ITPRIPL2: variants seen among roughly 807,000 people sequenced by gnomAD.
ITPRIPL2 encodes ITPRIP like 2, also known as inositol 1,4,5-trisphosphate receptor-interacting protein-like 2.
A neutral mutation model predicts 31.7 loss-of-function variants in ITPRIPL2; 29 were observed. That is an observed-to-expected ratio of 0.91 (90% CI 0.68 to 1.25). The LOEUF is 1.25. Ranked by LOEUF, ITPRIPL2 falls within the 50% of genes most tolerant of loss-of-function variation. The pLI is 0.00. For missense variants in ITPRIPL2, 696 were observed against 739.1 expected (o/e 0.94, Z 0.68); for synonymous variants, 344 against 343.4 (o/e 1.00, Z -0.02).
At position 19,120,034 on chromosome 16, in the gene ITPRIPL2, G is replaced by A. The variant is rs55809104; in HGVS notation, c.*3965G>A. The A allele has an allele frequency of 6.0e-6, 1 of 166,942 alleles. No individual in the cohort carries two copies. The highest frequency in any genetic ancestry group is 1.5e-5 in the Non-Finnish European group (1 of 68,116). The allele number at this position is 166,942 out of a possible 1,614,324, so 10.3% of individuals were successfully genotyped here. A position where few individuals can be genotyped will look rare whatever the true frequency, so the allele number is the denominator to read the frequency against. On this transcript the variant is annotated 3_prime_UTR_variant, in exon 1 of 1. Coordinates refer to ENST00000381440, the MANE Select transcript of ITPRIPL2 (RefSeq NM_001034841.4). ...AGGGATGATTGGTGGCTAGATTTGGGGTGCAAGCTTCTTAGGCTCATACCA... is the reference window on the plus strand; with the variant it reads ...AGGGATGATTGGTGGCTAGATTTGGAGTGCAAGCTTCTTAGGCTCATACCA...
chr16:19,116,242 A>G lies in ITPRIPL2; in HGVS notation c.*173A>G. 1.6e-6 allele frequency: 1 copy of G among 631,168 alleles called. No homozygotes were observed. Among genetic ancestry groups the G allele is most frequent in the Non-Finnish European group, 2.8e-6 (1 of 361,256 alleles). The allele number at this position is 631,168 out of a possible 1,614,324, so 39.1% of individuals were successfully genotyped here. A position where few individuals can be genotyped will look rare whatever the true frequency, so the allele number is the denominator to read the frequency against. On this transcript the variant is annotated 3_prime_UTR_variant, in exon 1 of 1. Transcript: ENST00000381440. The stretch of plus-strand genomic sequence containing the variant: ...TCACCTTCTCGCTTCACAGTCCAGT[A>G]TAATATGACATCTTCACACCCACTA...
At position 19,114,673 on chromosome 16, in the gene ITPRIPL2, G is replaced by C. The variant is rs954252586; in HGVS notation, c.212G>C (p.Arg71Pro). The C allele has an allele frequency of 6.2e-7, 1 of 1,611,410 alleles. No individual in the cohort carries two copies. Among genetic ancestry groups the C allele is most frequent in the South Asian group, 1.1e-5 (1 of 90,936 alleles). Residue 71 changes from arginine to proline, a missense_variant, in exon 1 of 1, where the codon CGG becomes CCG. Coordinates refer to ENST00000381440, the MANE Select transcript of ITPRIPL2 (RefSeq NM_001034841.4). ...YVLLRCRHAV[R>P]QRFLPGSPRL... The stretch of plus-strand genomic sequence containing the variant: ...CTCCTGCGCTGTCGCCACGCTGTCC[G>C]GCAGCGCTTCCTGCCCGGGTCTCCC...
Position 19,116,041 on chromosome 16 carries a change from C to T in ITPRIPL2, c.1580C>T (p.Thr527Ile). Residue 527 changes from threonine (T) to isoleucine (I), a missense_variant, in exon 1 of 1, where the codon ACC becomes ATC. By Grantham distance (89) the Thr-to-Ile change is moderately conservative. Coordinates refer to ENST00000381440, the MANE Select transcript of ITPRIPL2 (RefSeq NM_001034841.4). Reference sequence around the variant, plus strand: ...TGCCCCCCACCCCGGAGTCAGCGCACCCAGGGCTTCCTTGAAGGTGAACCG... The same window carrying T: ...TGCCCCCCACCCCGGAGTCAGCGCATCCAGGGCTTCCTTGAAGGTGAACCG... The part of the protein sequence containing the change: ...ARCPPPRSQR[T>I]QGFLEGEP 1 of 1,597,284 alleles carries T rather than the reference C, an allele frequency of 6.3e-7. No homozygotes were observed. Among genetic ancestry groups the T allele is most frequent in the Non-Finnish European group, 8.6e-7 (1 of 1,169,548 alleles).
chr16:19,118,904 G>C lies in ITPRIPL2; in HGVS notation c.*2835G>C. The C allele has an allele frequency of 2.4e-6, 1 of 413,122 alleles. No individual in the cohort carries two copies. Among genetic ancestry groups the C allele is most frequent in the Non-Finnish European group, 4.4e-6 (1 of 226,036 alleles). 25.6% of individuals were successfully genotyped at this position (413,122 alleles called of 1,614,324 possible). A position where few individuals can be genotyped will look rare whatever the true frequency, so the allele number is the denominator to read the frequency against. ...CAATTCTGTATTTTATTAGGGCTCTGTTATGTCCTTCATCTGAAATGTACA... is the reference window on the plus strand; with the variant it reads ...CAATTCTGTATTTTATTAGGGCTCTCTTATGTCCTTCATCTGAAATGTACA... On this transcript the variant is annotated 3_prime_UTR_variant, in exon 1 of 1. Coordinates refer to ENST00000381440, the MANE Select transcript of ITPRIPL2 (RefSeq NM_001034841.4).
Position 19,118,948 on chromosome 16 carries a change from G to T in ITPRIPL2, c.*2879G>T, listed in dbSNP as rs1489820410. 4.8e-6 allele frequency: 2 copies of T among 413,298 alleles called. No individual in the cohort carries two copies. 25.6% of individuals were successfully genotyped at this position (413,298 alleles called of 1,614,324 possible). On this transcript the variant is annotated 3_prime_UTR_variant, in exon 1 of 1. Transcript: ENST00000381440. ...ATGTACACATTTTTGGTGTATGCTTGGTACTGGAGATTCATATATGCAAAT... is the reference window on the plus strand; with the variant it reads ...ATGTACACATTTTTGGTGTATGCTTTGTACTGGAGATTCATATATGCAAAT...
Position 19,116,908 on chromosome 16 carries a change from T to C in ITPRIPL2, c.*839T>C, listed in dbSNP as rs1963451755. 6.0e-6 allele frequency: 1 copy of C among 167,158 alleles called. No individual in the cohort carries two copies. Among genetic ancestry groups the C allele is most frequent in the African/African-American group, 2.4e-5 (1 of 41,470 alleles). The allele number at this position is 167,158 out of a possible 1,614,324, so 10.4% of individuals were successfully genotyped here. A position where few individuals can be genotyped will look rare whatever the true frequency, so the allele number is the denominator to read the frequency against. ...CAGGCCACAAGCTGGGATATGTACCTGTCCGTCAACATCCATTCATTAAAC... is the reference window on the plus strand; with the variant it reads ...CAGGCCACAAGCTGGGATATGTACCCGTCCGTCAACATCCATTCATTAAAC... On this transcript the variant is annotated 3_prime_UTR_variant, in exon 1 of 1. Transcript: ENST00000381440.
chr16:19,114,432 G>A lies in ITPRIPL2; in HGVS notation c.-30G>A, dbSNP rs763490987. On this transcript the variant is annotated 5_prime_UTR_variant, in exon 1 of 1. Transcript: ENST00000381440. ...GCCGCCGGGGCTTGCCCCCTGGGCT[G>A]CTCGGCCACCGCCGCCCCGGGCGCC... 1.5e-5 allele frequency: 21 copies of A among 1,386,580 alleles called. No homozygotes were observed. The highest frequency in any genetic ancestry group is 1.9e-5 in the Non-Finnish European group (20 of 1,072,656). The allele number at this position is 1,386,580 out of a possible 1,614,324, so 85.9% of individuals were successfully genotyped here.
Position 19,114,968 on chromosome 16 carries a change from C to A in ITPRIPL2, c.507C>A (p.Arg169=). 6.2e-7 allele frequency: 1 copy of A among 1,604,030 alleles called. No individual in the cohort carries two copies. The highest frequency in any genetic ancestry group is 8.5e-7 in the Non-Finnish European group (1 of 1,179,728). Residue 169 remains arginine, a synonymous_variant, in exon 1 of 1, where the codon CGC becomes CGA. Coordinates refer to ENST00000381440, the MANE Select transcript of ITPRIPL2 (RefSeq NM_001034841.4). ...VGSAYEQHKI[R]RPDSFDVLVP... Reference sequence around the variant, plus strand: ...GCGCCTACGAGCAACATAAAATCCGCCGGCCCGACAGCTTCGACGTGCTGG... The same window carrying A: ...GCGCCTACGAGCAACATAAAATCCGACGGCCCGACAGCTTCGACGTGCTGG...
rs1024127968 is a variant in ITPRIPL2 at position 19,119,976 on chromosome 16, G to A, written c.*3907G>A. 1.8e-5 allele frequency: 3 copies of A among 166,992 alleles called. No homozygotes were observed. The highest frequency in any genetic ancestry group is 4.1e-4 in the South Asian group (2 of 4,820). 10.3% of individuals were successfully genotyped at this position (166,992 alleles called of 1,614,324 possible). On this transcript the variant is annotated 3_prime_UTR_variant, in exon 1 of 1. Transcript: ENST00000381440. ...TATTCTTACATTTAAATTAATTTTG[G>A]GGGGTTAGTGGTATCCTAGCTCGTG... is the stretch of plus-strand genomic sequence containing the variant.
rs761971084 is a variant in ITPRIPL2 at position 19,117,584 on chromosome 16, A to G, written c.*1515A>G. ...GCCTGATTGGAAATGCAGCCAGTCC[A>G]AGTGTTACAAATTGGGATTTTTTTG... On this transcript the variant is annotated 3_prime_UTR_variant, in exon 1 of 1. Coordinates refer to ENST00000381440, the MANE Select transcript of ITPRIPL2 (RefSeq NM_001034841.4). 6.0e-6 allele frequency: 1 copy of G among 167,082 alleles called. No individual in the cohort carries two copies. Among genetic ancestry groups the G allele is most frequent in the Admixed American group, 6.5e-5 (1 of 15,280 alleles). The allele number at this position is 167,082 out of a possible 1,614,324, so 10.3% of individuals were successfully genotyped here.
rs1257381871 is a variant in ITPRIPL2, at chr16:19,119,309, G to T, written c.*3240G>T. The T allele has an allele frequency of 5.5e-6, 2 of 365,570 alleles. No homozygotes were observed. Among genetic ancestry groups the T allele is most frequent in the Non-Finnish European group, 5.1e-6 (1 of 196,552 alleles). 22.6% of individuals were successfully genotyped at this position (365,570 alleles called of 1,614,324 possible). On this transcript the variant is annotated 3_prime_UTR_variant, in exon 1 of 1. Coordinates refer to ENST00000381440, the MANE Select transcript of ITPRIPL2 (RefSeq NM_001034841.4). ...AAAATGGCGTGAGGGTGTGAGAGAG[G>T]TTTGGGTTAGGAAACATGTTTTTAG...
chr16:19,115,507 T>C lies in ITPRIPL2; in HGVS notation c.1046T>C (p.Val349Ala), dbSNP rs1436347691. ...CTGCGTGCGGAGGCACTGTGGGGTGTGAACACAGCACGCCAGGAGCAGAAG... is the reference window on the plus strand; with the variant it reads ...CTGCGTGCGGAGGCACTGTGGGGTGCGAACACAGCACGCCAGGAGCAGAAG... ...EGLRAEALWG[V>A]NTARQEQKLL... Residue 349 changes from valine to alanine, a missense_variant, in exon 1 of 1, where the codon GTG becomes GCG. By Grantham distance (64) the Val-to-Ala change is moderately conservative (BLOSUM62 0). Transcript: ENST00000381440. 2 of 1,605,212 alleles carry C rather than the reference T, an allele frequency of 1.2e-6. No individual in the cohort carries two copies. The highest frequency in any genetic ancestry group is 1.7e-6 in the Non-Finnish European group (2 of 1,179,368).
In ITPRIPL2 at chr16:19,115,216, T is replaced by G; in HGVS notation, c.755T>G (p.Leu252Arg). The G allele has an allele frequency of 6.2e-7, 1 of 1,609,576 alleles. No homozygotes were observed. The highest frequency in any genetic ancestry group is 8.5e-7 in the Non-Finnish European group (1 of 1,180,002). ...GRRHLSATLV[L>R]RWFQSHLQRS... ...CGTCACCTCTCTGCTACTCTGGTGCTGCGCTGGTTCCAGTCGCATCTGCAG... is the reference window on the plus strand; with the variant it reads ...CGTCACCTCTCTGCTACTCTGGTGCGGCGCTGGTTCCAGTCGCATCTGCAG... The change falls in exon 1 of 1, where the codon CTG (leucine) becomes CGG (arginine). Residue 252 changes from leucine (L) to arginine (R), a missense_variant. Transcript: ENST00000381440.
Position 19,117,502 on chromosome 16 carries a change from C to T in ITPRIPL2, c.*1433C>T, listed in dbSNP as rs746710938. On this transcript the variant is annotated 3_prime_UTR_variant, in exon 1 of 1. Coordinates refer to ENST00000381440, the MANE Select transcript of ITPRIPL2 (RefSeq NM_001034841.4). Reference sequence around the variant, plus strand: ...GTCCTGGAATTCTTCCTTGTTCTCCCAAATTTATAACAGTCCTCAATTGCA... The same window carrying T: ...GTCCTGGAATTCTTCCTTGTTCTCCTAAATTTATAACAGTCCTCAATTGCA... The T allele has an allele frequency of 3.0e-5, 5 of 167,038 alleles. No homozygotes were observed. Among genetic ancestry groups the T allele is most frequent in the Non-Finnish European group, 7.3e-5 (5 of 68,118 alleles). The allele number at this position is 167,038 out of a possible 1,614,324, so 10.3% of individuals were successfully genotyped here.
rs543086638 is a variant in ITPRIPL2 at position 19,114,650 on chromosome 16, C to T, written c.189C>T (p.Leu63=). 24 of 1,608,320 alleles carry T rather than the reference C, an allele frequency of 1.5e-5. No individual in the cohort carries two copies. The highest frequency in any genetic ancestry group is 1.2e-4 in the South Asian group (11 of 90,614). Reference sequence around the variant, plus strand: ...TCCTGCTCCTCCTCAGCTATGTCCTCCTGCGCTGTCGCCACGCTGTCCGGC... The same window carrying T: ...TCCTGCTCCTCCTCAGCTATGTCCTTCTGCGCTGTCGCCACGCTGTCCGGC... ...VAVLLLLSYV[L]LRCRHAVRQR... The change falls in exon 1 of 1, where the codon CTC becomes CTT. Residue 63 remains leucine, a synonymous_variant. Coordinates refer to ENST00000381440, the MANE Select transcript of ITPRIPL2 (RefSeq NM_001034841.4).
At position 19,116,038 on chromosome 16, in the gene ITPRIPL2, G is replaced by A. The variant is rs1963440897; in HGVS notation, c.1577G>A (p.Arg526His). ...AGGTGCCCCCCACCCCGGAGTCAGC[G>A]CACCCAGGGCTTCCTTGAAGGTGAA... ...LARCPPPRSQ[R>H]TQGFLEGEP Residue 526 changes from arginine to histidine, a missense_variant, in exon 1 of 1, where the codon CGC becomes CAC. By Grantham distance (29) the Arg-to-His change is conservative. Transcript: ENST00000381440. The A allele has an allele frequency of 6.3e-7, 1 of 1,599,458 alleles. No homozygotes were observed. Among genetic ancestry groups the A allele is most frequent in the Non-Finnish European group, 8.5e-7 (1 of 1,170,856 alleles).
In ITPRIPL2 at chr16:19,114,739, G is replaced by GAGAGCC; in HGVS notation, c.279_284dup (p.Glu94_Pro95dup). ...GCCGCCTTCTCCTCGAGACACTTCCGAGAGCCGGGCCTCAGCATCCTGCTG... is the reference window on the plus strand; with the variant it reads ...GCCGCCTTCTCCTCGAGACACTTCCGAGAGCCAGAGCCGGGCCTCAGCATCCTGCTG... On this transcript the variant is annotated inframe_insertion, in exon 1 of 1. Coordinates refer to ENST00000381440, the MANE Select transcript of ITPRIPL2 (RefSeq NM_001034841.4). 6.2e-7 allele frequency: 1 copy of GAGAGCC among 1,612,780 alleles called. No individual in the cohort carries two copies. Among genetic ancestry groups the GAGAGCC allele is most frequent in the Non-Finnish European group, 8.5e-7 (1 of 1,179,896 alleles).
Position 19,114,606 on chromosome 16 carries a change from C to G in ITPRIPL2, c.145C>G (p.Pro49Ala). The G allele has an allele frequency of 1.3e-6, 2 of 1,584,918 alleles. No homozygotes were observed. Among genetic ancestry groups the G allele is most frequent in the Non-Finnish European group, 1.7e-6 (2 of 1,169,202 alleles). ...EPADGVDGGF[P>A]LLKVAVLLLL... ...CGCCGACGGCGTGGATGGCGGCTTCCCGTTGCTTAAGGTGGCCGTCCTGCT... is the reference window on the plus strand; with the variant it reads ...CGCCGACGGCGTGGATGGCGGCTTCGCGTTGCTTAAGGTGGCCGTCCTGCT... The change falls in exon 1 of 1, where the codon CCG becomes GCG. Residue 49 changes from proline (P) to alanine (A), a missense_variant. Coordinates refer to ENST00000381440, the MANE Select transcript of ITPRIPL2 (RefSeq NM_001034841.4).
At position 19,116,173 on chromosome 16, in the gene ITPRIPL2, A is replaced by T. The variant is rs1963442929; in HGVS notation, c.*104A>T. 1.6e-6 allele frequency: 2 copies of T among 1,235,020 alleles called. No individual in the cohort carries two copies. The highest frequency in any genetic ancestry group is 2.3e-6 in the Non-Finnish European group (2 of 885,352). 76.5% of individuals were successfully genotyped at this position (1,235,020 alleles called of 1,614,324 possible). On this transcript the variant is annotated 3_prime_UTR_variant, in exon 1 of 1. Transcript: ENST00000381440. Reference sequence around the variant, plus strand: ...AGTTAAATGCAAGATTGCAGAAGGCATTGGAAAATTTGGTGGCTGCCACAA... The same window carrying T: ...AGTTAAATGCAAGATTGCAGAAGGCTTTGGAAAATTTGGTGGCTGCCACAA...
Sources: gnomAD v4.1 joint callset for allele counts on GRCh38, gnomAD v4.1.1 for gene constraint, MANE v1.5 for transcripts, NCBI Gene and HGNC (gene_info 2026-07-23, HGNC 2026-07-21) for gene names.